RABGAP1L: variants seen among roughly 807,000 people sequenced by gnomAD.
The protein encoded by RABGAP1L is rab GTPase-activating protein 1-like.
Under a neutral mutation model 137.7 loss-of-function variants are expected in RABGAP1L, and 63 were observed. That is an observed-to-expected ratio of 0.46 (90% CI 0.37 to 0.56). RABGAP1L has a LOEUF of 0.56. RABGAP1L is among the 20% of genes least tolerant of loss of function. The pLI, the probability that RABGAP1L is intolerant of heterozygous loss-of-function variation, is 0.00. For synonymous variants in RABGAP1L, 431 were observed against 433.7 expected (o/e 0.99, Z 0.08); for missense variants, 1,095 against 1,244.0 (o/e 0.88, Z 1.80).
At chr1:174,772,567 C>CAAAAA (rs60690186) in intron 18 of RABGAP1L, among the ~76,000 whole-genome samples, 40 of 53,052 alleles carry the variant, frequency 7.5e-4, no homozygotes, top group African/African-American at 1.6e-3. Flanking sequence ...GACTCCATCT[C>CAAAAA]AAAAAAAAAA....
At chr1:174,620,418 A>T (rs1672336542) in intron 13 of RABGAP1L, among the ~76,000 whole-genome samples, 1 of 152,188 alleles carries the variant, frequency 6.6e-6, no homozygotes, top group Admixed American at 6.5e-5. Context: ...AAAGAACAGA[A>T]ATTATAACAA....
chr1:174,170,553 T>C (rs1665275095), intron 1 of RABGAP1L, among the ~76,000 whole-genome samples: 1 of 151,150 alleles, frequency 6.6e-6, no homozygotes, highest in South Asian at 2.1e-4. Flanking sequence ...CATGTGCCTG[T>C]AATCCCAGCT....
At chr1:174,694,009 CAAGT>C (rs1679064912) in intron 15 of RABGAP1L, among the ~76,000 whole-genome samples, 1 of 151,854 alleles carries the variant, frequency 6.6e-6, no homozygotes, top group African/African-American at 2.4e-5. Flanking sequence ...AACAGTGTAA[CAAGT>C]AAAAATATAA....
At chr1:174,580,225 A>G (rs775254242) in intron 13 of RABGAP1L, among the ~76,000 whole-genome samples, 17 of 152,224 alleles carry the variant, frequency 1.1e-4, no homozygotes, top group Admixed American at 2.0e-4. Context: ...TTTGCAAATC[A>G]TATCTCTGAT....
intron 1 of RABGAP1L, among the ~76,000 whole-genome samples, chr1:174,216,468 T>C (rs1174391426): frequency 6.6e-6 from 1 of 152,068 alleles, no homozygotes; most frequent in East Asian, 1.9e-4. Flanking sequence ...AAAGTAATTT[T>C]TTAAATAATT....
chr1:174,698,347 C>T (rs1286822395), intron 15 of RABGAP1L, among the ~76,000 whole-genome samples: 5 of 152,136 alleles, frequency 3.3e-5, no homozygotes, highest in Non-Finnish European at 5.9e-5. Flanking sequence ...GATAAAAATA[C>T]CTCTGAGAAA....
Position 174,231,366 on chromosome 1 carries a change from AT to A in RABGAP1L, c.542+14del, listed in dbSNP as rs756732816. The A allele has an allele frequency of 9.3e-5, 150 of 1,610,448 alleles. No homozygotes were observed. Among genetic ancestry groups the A allele is most frequent in the East Asian group, 4.5e-5 (2 of 44,836 alleles). ...AGAAGGTTCTGTGAGGTAAGCTCTA[AT>A]TTGTTTTTCTTTAGACACATATTAA... On this transcript the variant is annotated intron_variant, in intron 4 of 25. Transcript: ENST00000681986.
chr1:174,588,573 C>CA (rs1669306927), intron 13 of RABGAP1L, among the ~76,000 whole-genome samples: 1 of 152,088 alleles, frequency 6.6e-6, no homozygotes, highest in Non-Finnish European at 1.5e-5. Context: ...TTTTTGTACC[C>CA]ATTAAACATC....
At chr1:174,974,740 G>A (rs924299513) in intron 21 of RABGAP1L, among the ~76,000 whole-genome samples, 1 of 152,196 alleles carries the variant, frequency 6.6e-6, no homozygotes, top group East Asian at 1.9e-4. Flanking sequence ...CAGAAGACAG[G>A]GCAAGCAGAG....
At chr1:174,766,774 C>A (rs1319599508) in intron 18 of RABGAP1L, among the ~76,000 whole-genome samples, 2 of 152,128 alleles carry the variant, frequency 1.3e-5, no homozygotes, top group Non-Finnish European at 2.9e-5. Context: ...TCAGAGGTAA[C>A]CTGAAAAAAC....
intron 18 of RABGAP1L, among the ~76,000 whole-genome samples, chr1:174,804,986 G>A (rs1412603504): frequency 6.6e-6 from 1 of 152,036 alleles, no homozygotes; most frequent in Non-Finnish European, 1.5e-5. Flanking sequence ...TATAACAGAA[G>A]TTAAAAACCC....
intron 12 of RABGAP1L, among the ~76,000 whole-genome samples, chr1:174,383,886 A>G (rs535347484): frequency 9.2e-4 from 140 of 152,200 alleles, no homozygotes; most frequent in African/African-American, 3.2e-3. Context: ...ATAGCATGGT[A>G]TTTTATAAAA....
chr1:174,370,779 T>C (rs537327920), intron 11 of RABGAP1L, among the ~76,000 whole-genome samples, 200 bp from the exon 12 acceptor site: 1 of 152,096 alleles, frequency 6.6e-6, no homozygotes, highest in South Asian at 2.1e-4. Flanking sequence ...TATGAGATTT[T>C]CATAAAAGTT....
At chr1:174,889,414 G>C (rs536557522) in intron 19 of RABGAP1L, among the ~76,000 whole-genome samples, 1 of 151,862 alleles carries the variant, frequency 6.6e-6, no homozygotes, top group Non-Finnish European at 1.5e-5. Context: ...GAGCCACCGC[G>C]TCCGGCCCTG....
chr1:174,304,997 A>G lies in RABGAP1L; in HGVS notation c.1335A>G (p.Lys445=). 6.5e-7 allele frequency: 1 copy of G among 1,548,408 alleles called. No homozygotes were observed. Among genetic ancestry groups the G allele is most frequent in the African/African-American group, 1.4e-5 (1 of 70,696 alleles). Residue 445 remains lysine (K), a synonymous_variant, in exon 11 of 26, where the codon AAA becomes AAG. Coordinates refer to ENST00000681986, the MANE Select transcript of RABGAP1L (RefSeq NM_001366446.1). The stretch of plus-strand genomic sequence containing the variant: ...TATATTTTTCTCAGTCTGAGGGAAA[A>G]GGCCATACCAATGCTGGAGATGCAA... ...FFMRLKQSEG[K]GHTNAGDAIY...
At chr1:174,175,473 A>ACT (rs1665758004) in intron 1 of RABGAP1L, among the ~76,000 whole-genome samples, 1 of 149,878 alleles carries the variant, frequency 6.7e-6, no homozygotes, top group African/African-American at 2.4e-5. Flanking sequence ...TCTGCATTAG[A>ACT]CTACAGGCTT....
chr1:174,616,833 A>G (rs533731987), intron 13 of RABGAP1L, among the ~76,000 whole-genome samples: 57 of 152,366 alleles, frequency 3.7e-4, no homozygotes, highest in Middle Eastern at 3.4e-3. Flanking sequence ...TGGTGGCTAC[A>G]TAGACACTTG....
chr1:174,573,811 AG>A (rs1668170618), intron 13 of RABGAP1L, among the ~76,000 whole-genome samples: 1 of 152,196 alleles, frequency 6.6e-6, no homozygotes, highest in African/African-American at 2.4e-5. Context: ...AGAAATATTT[AG>A]AAAAAAGTAA....
rs140950594 is a variant in RABGAP1L at position 174,284,027 on chromosome 1, T to C, written c.1323+5248T>C. Among the ~76,000 whole-genome samples, 855 of 152,344 alleles carry C rather than the reference T, an allele frequency of 5.6e-3. 10 individuals are homozygous for C. Among genetic ancestry groups the C allele is most frequent in the African/African-American group, 0.019 (806 of 41,572 alleles). On this transcript the variant is annotated intron_variant, in intron 10 of 25. Coordinates refer to ENST00000681986, the MANE Select transcript of RABGAP1L (RefSeq NM_001366446.1). ...AATAGACTTAAGGTGTACAATGTGATGATTTGATACATATATATTGTGAAA... is the reference window on the plus strand; with the variant it reads ...AATAGACTTAAGGTGTACAATGTGACGATTTGATACATATATATTGTGAAA...
Sources: gnomAD v4.1 joint callset for allele counts (sites outside exome capture counted in the v4.1 genomes callset) on GRCh38, gnomAD v4.1.1 for gene constraint, MANE v1.5 for transcripts, NCBI Gene and HGNC (gene_info 2026-07-23, HGNC 2026-07-21) for gene names.